GAS7: variants seen among roughly 807,000 people sequenced by gnomAD.
GAS7 encodes growth arrest specific 7, also known as growth arrest-specific protein 7.
In GAS7, 28 loss-of-function variants were observed where a neutral mutation model predicts 71.1. The ratio of observed to expected loss-of-function variants is 0.39; its 90% confidence interval spans 0.29 to 0.54. GAS7 has a LOEUF of 0.54. Among genes scored for constraint, GAS7 ranks in the 20% least tolerant of loss-of-function variants. GAS7 has a pLI of 0.62. For synonymous variants in GAS7, 258 were observed against 245.8 expected, an observed-to-expected ratio of 1.05 and a Z score of -0.46; for missense variants, 436 against 627.8, an observed-to-expected ratio of 0.69 and a Z score of 3.27.
At position 10,162,904 on chromosome 17, in the gene GAS7, G is replaced by A. The variant is rs1374620964; in HGVS notation, c.183+35304C>T. Among the ~76,000 whole-genome samples, 3 of 152,134 alleles carry A rather than the reference G, an allele frequency of 2.0e-5. No individual in the cohort carries two copies. In the East Asian group the frequency reaches 5.8e-4, roughly 29 times the overall value. ...AGTTTCAGTTTTGCAAAATGAAAAAGGCTCTGGGGCTAAATCATGGTGAAG... is the reference window on the plus strand; with the variant it reads ...AGTTTCAGTTTTGCAAAATGAAAAAAGCTCTGGGGCTAAATCATGGTGAAG... On this transcript the variant is annotated intron_variant, in intron 1 of 13. Transcript: ENST00000432992.
intron 1 of GAS7, among the ~76,000 whole-genome samples, chr17:10,092,496 T>C (rs2073594098): frequency 6.6e-6 from 1 of 152,228 alleles, no homozygotes; most frequent in African/African-American, 2.4e-5. Flanking sequence ...CATGCAGATG[T>C]TCCCTAAGGT....
chr17:9,986,883 AGCCAG>A (rs1344532488), intron 2 of GAS7, among the ~76,000 whole-genome samples: 3 of 152,280 alleles, frequency 2.0e-5, no homozygotes, highest in African/African-American at 7.2e-5. Flanking sequence ...GATGGTGCTG[AGCCAG>A]GCCAGGCCAG....
chr17:10,121,398 T>C (rs535391573), intron 1 of GAS7, among the ~76,000 whole-genome samples: 1 of 151,966 alleles, frequency 6.6e-6, no homozygotes, highest in Non-Finnish European at 1.5e-5. Context: ...AAATAAAAAA[T>C]TTAAAAATTT....
chr17:10,122,021 G>C (rs1284471049), intron 1 of GAS7, among the ~76,000 whole-genome samples: 4 of 152,114 alleles, frequency 2.6e-5, no homozygotes, highest in African/African-American at 9.7e-5. Flanking sequence ...ACAATCCGAA[G>C]GCCAGCCATA....
intron 1 of GAS7, among the ~76,000 whole-genome samples, chr17:10,111,608 C>T (rs1316766959): frequency 6.6e-6 from 1 of 151,978 alleles, no homozygotes; most frequent in African/African-American, 2.4e-5. Context: ...CGCTTGAACC[C>T]AGGAGGCAGA....
chr17:10,191,905 G>A (rs1199291226), intron 1 of GAS7, among the ~76,000 whole-genome samples: 2 of 150,248 alleles, frequency 1.3e-5, no homozygotes, highest in African/African-American at 2.4e-5. Context: ...GGAGAGAGAT[G>A]ATGAGTTTAG....
intron 1 of GAS7, among the ~76,000 whole-genome samples, chr17:10,066,431 C>T (rs570043401): frequency 1.2e-4 from 18 of 152,318 alleles, no homozygotes; most frequent in African/African-American, 3.8e-4. Flanking sequence ...CCGCCCGCCT[C>T]GGCCTTTCAA....
chr17:10,072,500 C>T (rs1466254116), intron 1 of GAS7, among the ~76,000 whole-genome samples: 1 of 152,184 alleles, frequency 6.6e-6, no homozygotes, highest in Non-Finnish European at 1.5e-5. Context: ...GGCCAAGACT[C>T]TGTGTAGAGA....
intron 9 of GAS7, among the ~76,000 whole-genome samples, chr17:9,929,157 C>T (rs971045031): frequency 1.1e-4 from 16 of 152,252 alleles, no homozygotes; most frequent in South Asian, 8.3e-4. Flanking sequence ...TGTACGACTC[C>T]GGGAATCTGG....
intron 1 of GAS7, among the ~76,000 whole-genome samples, chr17:10,117,314 C>T (rs888382051): frequency 3.9e-5 from 6 of 152,080 alleles, no homozygotes; most frequent in Non-Finnish European, 8.8e-5. Context: ...CGTGGATAAT[C>T]CAGGATTATC....
chr17:10,193,655 T>C (rs4791936), intron 1 of GAS7, among the ~76,000 whole-genome samples: 19,788 of 152,236 alleles, frequency 0.13, 1,597 homozygotes, highest in Middle Eastern at 0.18. Flanking sequence ...AAAGGCCATG[T>C]GGAAAGGCCC....
intron 1 of GAS7, among the ~76,000 whole-genome samples, chr17:10,029,505 T>G (rs1436518193): frequency 1.3e-5 from 2 of 152,182 alleles, no homozygotes; most frequent in African/African-American, 4.8e-5. Flanking sequence ...ATGTTGCTAT[T>G]CTCAATATAT....
At chr17:9,998,678 A>AGAAAAGGAAAAGGAAAAG (rs368017485) in intron 2 of GAS7, among the ~76,000 whole-genome samples, 1 of 149,822 alleles carries the variant, frequency 6.7e-6, no homozygotes. Context: ...ACAGAAAGAC[A>AGAAAAGGAAAAGGAAAAG]GAAAAGGAAA....
intron 9 of GAS7, among the ~76,000 whole-genome samples, chr17:9,928,813 G>C (rs2068105801): frequency 6.6e-6 from 1 of 152,210 alleles, no homozygotes; most frequent in Non-Finnish European, 1.5e-5. Context: ...GTCTGACCTG[G>C]GCTGGGGCTG....
chr17:10,064,219 G>A (rs2073255042), intron 1 of GAS7, among the ~76,000 whole-genome samples: 1 of 152,200 alleles, frequency 6.6e-6, no homozygotes, highest in African/African-American at 2.4e-5. Context: ...CGCAGGGACT[G>A]TGAGTCTGCT....
In GAS7 at chr17:10,062,838, C is replaced by A. The variant is rs528583581; in HGVS notation, c.184-42941G>T. ...TTAGCTGACACTAATTCCTAATGAC[C>A]CTGCAGATCTCAGCTCCCACCGCAA... On this transcript the variant is annotated intron_variant, in intron 1 of 13. Coordinates refer to ENST00000432992, the MANE Select transcript of GAS7 (RefSeq NM_201433.2). 2.6e-5 allele frequency among the ~76,000 whole-genome samples: 4 copies of A among 152,206 alleles called. No individual in the cohort carries two copies. The South Asian group carries it at 8.3e-4, about 32-fold the overall frequency.
chr17:9,932,535 A>G (rs2068246586), intron 9 of GAS7, among the ~76,000 whole-genome samples: 1 of 152,208 alleles, frequency 6.6e-6, no homozygotes, highest in African/African-American at 2.4e-5. Context: ...AGCCCCACCA[A>G]TCATGTACAC....
At chr17:10,108,089 T>A (rs2073777164) in intron 1 of GAS7, among the ~76,000 whole-genome samples, 1 of 151,244 alleles carries the variant, frequency 6.6e-6, no homozygotes, top group Non-Finnish European at 1.5e-5. Flanking sequence ...GGCAAGAGAA[T>A]CACTGTACCA....
intron 1 of GAS7, among the ~76,000 whole-genome samples, chr17:10,055,815 G>A (rs984382093): frequency 8.5e-5 from 13 of 152,202 alleles, no homozygotes; most frequent in African/African-American, 3.1e-4. Flanking sequence ...TTTTTGTGCA[G>A]GTTGACACTG....
Sources: gnomAD v4.1 joint callset for allele counts (sites outside exome capture counted in the v4.1 genomes callset) on GRCh38, gnomAD v4.1.1 for gene constraint, MANE v1.5 for transcripts, NCBI Gene and HGNC (gene_info 2026-07-23, HGNC 2026-07-21) for gene names.